PHF1: variants seen among roughly 807,000 people sequenced by gnomAD.
PHF1 encodes the protein polycomb-like 1.
PHF1 carries 16 observed loss-of-function variants against 69.4 expected under a neutral mutation model. That is an observed-to-expected ratio of 0.23 (90% CI 0.16 to 0.35). The LOEUF is 0.35. Among genes scored for constraint, PHF1 ranks in the 10% least tolerant of loss-of-function variants. PHF1 has a pLI of 1.00. For missense variants in PHF1, 515 were observed against 732.8 expected (o/e 0.70, Z 3.43); for synonymous variants, 274 against 275.0 (o/e 1.00, Z 0.04).
At position 33,414,390 on chromosome 6, in the gene PHF1, G is replaced by T. The variant is rs1776285701; in HGVS notation, c.876+24G>T. 6.2e-7 allele frequency: 1 copy of T among 1,613,980 alleles called. No homozygotes were observed. The highest frequency in any genetic ancestry group is 1.1e-5 in the South Asian group (1 of 91,088). ...AGGTAAGGGGTAGTGCAGTTTTGGG[G>T]GTTGGGATGGGACAGGGAGATGTAG... On this transcript the variant is annotated intron_variant, in intron 9 of 14. Coordinates refer to ENST00000374516, the MANE Select transcript of PHF1 (RefSeq NM_024165.3). This position sits in a 1 kb window ranked among gnomAD's most constrained non-coding sequence, Gnocchi z 5.0.
At position 33,414,165 on chromosome 6, in the gene PHF1, A is replaced by C; in HGVS notation, c.752+56A>C. 1 of 1,613,492 alleles carries C rather than the reference A, an allele frequency of 6.2e-7. No individual in the cohort carries two copies. The highest frequency in any genetic ancestry group is 8.5e-7 in the Non-Finnish European group (1 of 1,179,574). On this transcript the variant is annotated intron_variant, in intron 8 of 14. Coordinates refer to ENST00000374516, the MANE Select transcript of PHF1 (RefSeq NM_024165.3). This position sits in a 1 kb window ranked among gnomAD's most constrained non-coding sequence, Gnocchi z 5.0. ...ACTCCACACCACAGTATTTCACTCTATATGCCCCAACCTCCCACCTCAGGA... is the reference window on the plus strand; with the variant it reads ...ACTCCACACCACAGTATTTCACTCTCTATGCCCCAACCTCCCACCTCAGGA...
chr6:33,414,124 G>A lies in PHF1; in HGVS notation c.752+15G>A, dbSNP rs756571844. On this transcript the variant is annotated intron_variant, in intron 8 of 14. Coordinates refer to ENST00000374516, the MANE Select transcript of PHF1 (RefSeq NM_024165.3). This position sits in a 1 kb window ranked among gnomAD's most constrained non-coding sequence, Gnocchi z 5.0. ...CAGCTTCGCTGGTGAGCTGGATTGG[G>A]CATGACCTCAGTGTAACTCCACACC... 6.2e-6 allele frequency: 10 copies of A among 1,613,932 alleles called. No homozygotes were observed. The highest frequency in any genetic ancestry group is 2.7e-5 in the African/African-American group (2 of 74,882).
chr6:33,415,442 C>T (rs914034729), intron 13 of PHF1, 113 bp downstream of exon 13: 18 of 1,220,350 alleles, frequency 1.5e-5, no homozygotes, highest in Admixed American at 3.7e-5. Context: ...CACTTCTTGG[C>T]CTAGACCGAC....
At chr6:33,412,000 A>G (rs1162770959) in intron 1 of PHF1, among the ~76,000 whole-genome samples, 2 of 152,130 alleles carry the variant, frequency 1.3e-5, no homozygotes, top group East Asian at 3.9e-4. Context: ...CATCTCTACT[A>G]AAAATACAAA....
chr6:33,414,626 C>T lies in PHF1; in HGVS notation c.944+82C>T, dbSNP rs1776300789. ...AGCCTGGAAGGGGAGGGGCTTGCAA[C>T]CCACCTGGAAGACTGTGACTGAAAA... On this transcript the variant is annotated intron_variant, in intron 10 of 14. Coordinates refer to ENST00000374516, the MANE Select transcript of PHF1 (RefSeq NM_024165.3). This position sits in a 1 kb window ranked among gnomAD's most constrained non-coding sequence, Gnocchi z 5.0. The T allele has an allele frequency of 6.5e-6, 10 of 1,538,672 alleles. No individual in the cohort carries two copies. The highest frequency in any genetic ancestry group is 8.9e-6 in the Non-Finnish European group (10 of 1,125,908).
chr6:33,411,630 C>T (rs1458839818), intron 1 of PHF1, among the ~76,000 whole-genome samples: 1 of 151,896 alleles, frequency 6.6e-6, no homozygotes, highest in East Asian at 1.9e-4. Flanking sequence ...ATAATTTCTC[C>T]TAAAATTTCA....
rs1776145123 is a variant in PHF1 at position 33,412,452 on chromosome 6, T to C, written c.159+30T>C. On this transcript the variant is annotated intron_variant, in intron 2 of 14. Coordinates refer to ENST00000374516, the MANE Select transcript of PHF1 (RefSeq NM_024165.3). This position sits in a 1 kb window ranked among gnomAD's most constrained non-coding sequence, Gnocchi z 4.2. ...GACCTTCTACCTCTGACCTTCTTCCTAGTTCCCTTATCTAATTCTGGTTCC... is the reference window on the plus strand; with the variant it reads ...GACCTTCTACCTCTGACCTTCTTCCCAGTTCCCTTATCTAATTCTGGTTCC... The C allele has an allele frequency of 2.5e-6, 4 of 1,614,212 alleles. No homozygotes were observed. Among genetic ancestry groups the C allele is most frequent in the Non-Finnish European group, 3.4e-6 (4 of 1,180,014 alleles).
chr6:33,415,615 T>A lies in PHF1; in HGVS notation c.1360T>A (p.Phe454Ile), dbSNP rs150982256. Reference protein sequence around the residue: ...PSSPIRMFASFHPSASTAGTS... With the variant: ...PSSPIRMFASIHPSASTAGTS... Reference sequence around the variant, plus strand: ...CAGCCCCATCCGGATGTTTGCTTCCTTCCACCCTTCTGCCAGCACCGCAGG... The same window carrying A: ...CAGCCCCATCCGGATGTTTGCTTCCATCCACCCTTCTGCCAGCACCGCAGG... Residue 454 changes from phenylalanine to isoleucine, a missense_variant, in exon 14 of 15, where the codon TTC becomes ATC. Transcript: ENST00000374516. 24 of 1,613,926 alleles carry A rather than the reference T, an allele frequency of 1.5e-5. No individual in the cohort carries two copies. The highest frequency in any genetic ancestry group is 2.0e-5 in the Non-Finnish European group (24 of 1,179,960).
chr6:33,416,238 G>A lies in PHF1; in HGVS notation c.*140G>A, dbSNP rs1776469465. 1 of 646,284 alleles carries A rather than the reference G, an allele frequency of 1.5e-6. No homozygotes were observed. Among genetic ancestry groups the A allele is most frequent in the African/African-American group, 1.8e-5 (1 of 54,644 alleles). 40.0% of individuals were successfully genotyped at this position (646,284 alleles called of 1,614,324 possible). On this transcript the variant is annotated 3_prime_UTR_variant, in exon 15 of 15. Transcript: ENST00000374516. ...CTGCCCAGGCTGGAATCCAAGAGTG[G>A]GGAGTGGGGAAGAGGCCCTCTTCTC...
chr6:33,413,092 T>A, intron 4 of PHF1, 104 bp from the exon 5 acceptor site: 1 of 1,053,074 alleles, frequency 9.5e-7, no homozygotes, highest in South Asian at 1.3e-5. Context: ...CACCCCCTCA[T>A]CAAGACCATG....
chr6:33,412,443 C>G lies in PHF1; in HGVS notation c.159+21C>G. ...AAAAGGTAAGACCTTCTACCTCTGA[C>G]CTTCTTCCTAGTTCCCTTATCTAAT... On this transcript the variant is annotated intron_variant, in intron 2 of 14. Transcript: ENST00000374516. This position sits in a 1 kb window ranked among gnomAD's most constrained non-coding sequence, Gnocchi z 4.2. 1 of 1,614,226 alleles carries G rather than the reference C, an allele frequency of 6.2e-7. No homozygotes were observed. Among genetic ancestry groups the G allele is most frequent in the South Asian group, 1.1e-5 (1 of 91,088 alleles).
chr6:33,414,485 C>T lies in PHF1; in HGVS notation c.885C>T (p.Asp295=). ...TTCTTCATTTCTCCCAGCTTTCAGACACCCCCAAAGGAGAACGTTCTTCCA... is the reference window on the plus strand; with the variant it reads ...TTCTTCATTTCTCCCAGCTTTCAGATACCCCCAAAGGAGAACGTTCTTCCA... ...WDSLLLGELS[D]TPKGERSSRL... The change falls in exon 10 of 15, where the codon GAC becomes GAT. Residue 295 remains aspartate, a synonymous_variant. Coordinates refer to ENST00000374516, the MANE Select transcript of PHF1 (RefSeq NM_024165.3). This position sits in a 1 kb window ranked among gnomAD's most constrained non-coding sequence, Gnocchi z 5.0. 4 of 1,613,984 alleles carry T rather than the reference C, an allele frequency of 2.5e-6. No homozygotes were observed. The highest frequency in any genetic ancestry group is 3.4e-6 in the Non-Finnish European group (4 of 1,179,914).
chr6:33,414,138 T>A lies in PHF1; in HGVS notation c.752+29T>A. Reference sequence around the variant, plus strand: ...AGCTGGATTGGGCATGACCTCAGTGTAACTCCACACCACAGTATTTCACTC... The same window carrying A: ...AGCTGGATTGGGCATGACCTCAGTGAAACTCCACACCACAGTATTTCACTC... On this transcript the variant is annotated intron_variant, in intron 8 of 14. Coordinates refer to ENST00000374516, the MANE Select transcript of PHF1 (RefSeq NM_024165.3). This position sits in a 1 kb window ranked among gnomAD's most constrained non-coding sequence, Gnocchi z 5.0. 6.2e-7 allele frequency: 1 copy of A among 1,614,042 alleles called. No homozygotes were observed. Among genetic ancestry groups the A allele is most frequent in the Non-Finnish European group, 8.5e-7 (1 of 1,179,942 alleles).
At position 33,414,792 on chromosome 6, in the gene PHF1, C is replaced by G; in HGVS notation, c.1012C>G (p.Pro338Ala). The G allele has an allele frequency of 6.2e-7, 1 of 1,613,908 alleles. No homozygotes were observed. The change falls in exon 11 of 15, where the codon CCT (proline) becomes GCT (alanine). Residue 338 changes from proline (P) to alanine (A), a missense_variant. Around this residue, in one of 5 missense-constraint regions of PHF1, gnomAD observed 274 missense variants for 304.5 expected, o/e 0.90. Coordinates refer to ENST00000374516, the MANE Select transcript of PHF1 (RefSeq NM_024165.3). The surrounding 1 kb of genome is among the most constrained non-coding windows in gnomAD (Gnocchi z 5.0). ...TGGTCTCCATGCTCGGATGCCTCCCCCTGTGGAGCCCCCTACTGGAGATGG... is the reference window on the plus strand; with the variant it reads ...TGGTCTCCATGCTCGGATGCCTCCCGCTGTGGAGCCCCCTACTGGAGATGG... The part of the protein sequence containing the change: ...LFGLHARMPP[P>A]VEPPTGDGAL...
Position 33,416,318 on chromosome 6 carries a change from A to G in PHF1, c.*220A>G. Reference sequence around the variant, plus strand: ...CATCCTTCCCATTTCCTTTGATGTTATTTTGTTACAGCTTTTTAAATATTT... The same window carrying G: ...CATCCTTCCCATTTCCTTTGATGTTGTTTTGTTACAGCTTTTTAAATATTT... On this transcript the variant is annotated 3_prime_UTR_variant, in exon 15 of 15. Coordinates refer to ENST00000374516, the MANE Select transcript of PHF1 (RefSeq NM_024165.3). 2.1e-6 allele frequency: 1 copy of G among 475,770 alleles called. No homozygotes were observed. The allele number at this position is 475,770 out of a possible 1,614,324, so 29.5% of individuals were successfully genotyped here. A position where few individuals can be genotyped will look rare whatever the true frequency, so the allele number is the denominator to read the frequency against.
chr6:33,414,198 G>T lies in PHF1; in HGVS notation c.753-45G>T. 1 of 1,613,960 alleles carries T rather than the reference G, an allele frequency of 6.2e-7. No homozygotes were observed. Among genetic ancestry groups the T allele is most frequent in the Non-Finnish European group, 8.5e-7 (1 of 1,179,900 alleles). On this transcript the variant is annotated intron_variant, in intron 8 of 14. Coordinates refer to ENST00000374516, the MANE Select transcript of PHF1 (RefSeq NM_024165.3). This position sits in a 1 kb window ranked among gnomAD's most constrained non-coding sequence, Gnocchi z 5.0. The stretch of plus-strand genomic sequence containing the variant: ...CAACCTCCCACCTCAGGACTCCCCT[G>T]GCTCTTAAAATGCCTCTGTGGTCTT...
Position 33,414,010 on chromosome 6 carries a change from AGT to A in PHF1, c.684-26_684-25del, listed in dbSNP as rs750111165. 1.4e-5 allele frequency: 23 copies of A among 1,612,938 alleles called. No homozygotes were observed. Among genetic ancestry groups the A allele is most frequent in the East Asian group, 4.5e-5 (2 of 44,870 alleles). On this transcript the variant is annotated intron_variant, in intron 7 of 14. Transcript: ENST00000374516. This position sits in a 1 kb window ranked among gnomAD's most constrained non-coding sequence, Gnocchi z 5.0. ...GGGGATGGCACAGTTTTCCTGTGTA[AGT>A]GTGTTTGCTCCCTCTTGCCCATGTC...
chr6:33,412,655 A>G lies in PHF1; in HGVS notation c.242-43A>G, dbSNP rs1286611896. 1 of 1,611,756 alleles carries G rather than the reference A, an allele frequency of 6.2e-7. No individual in the cohort carries two copies. ...ACAAACCTGGCCTAGAGGGGCAGAA[A>G]GAGACTTAAAGGCAGGCCCTGTGAC... On this transcript the variant is annotated intron_variant, in intron 3 of 14. Transcript: ENST00000374516. The surrounding 1 kb of genome is among the most constrained non-coding windows in gnomAD (Gnocchi z 4.2).
chr6:33,413,986 G>A, intron 7 of PHF1, 55 bp from the exon 8 acceptor site: 1 of 1,607,228 alleles, frequency 6.2e-7, no homozygotes, highest in Non-Finnish European at 8.5e-7. Context: ...AGTCTTCCAG[G>A]GGATGGCACA....
Sources: gnomAD v4.1 joint callset for allele counts (sites outside exome capture counted in the v4.1 genomes callset) on GRCh38, gnomAD v4.1.1 for gene constraint, gnomAD v4.1.1 regional missense constraint, Gnocchi (gnomAD v3.1) non-coding constraint, MANE v1.5 for transcripts, NCBI Gene and HGNC (gene_info 2026-07-23, HGNC 2026-07-21) for gene names.